Variants in ARHGAP22 observed in about 807,000 individuals in gnomAD.
ARHGAP22 encodes rho GTPase-activating protein 22.
In ARHGAP22, 48 loss-of-function variants were observed where a neutral mutation model predicts 59.1. The ratio of observed to expected loss-of-function variants is 0.81; its 90% CI spans 0.64 to 1.03. The LOEUF is 1.03. Among genes scored for constraint, ARHGAP22 ranks in the 50% least tolerant of loss-of-function variants. ARHGAP22 has a pLI of 0.00. For missense variants in ARHGAP22, 1,015 were observed against 958.7 expected (o/e 1.06, Z -0.78); for synonymous variants, 445 against 416.4 (o/e 1.07, Z -0.84).
At chr10:48,629,887 T>A (rs890947111) in intron 1 of ARHGAP22, among the ~76,000 whole-genome samples, 1 of 152,226 alleles carries the variant, frequency 6.6e-6, no homozygotes, top group South Asian at 2.1e-4. Context: ...CAATGTTTTG[T>A]GGTTTTCTGC....
intron 3 of ARHGAP22, among the ~76,000 whole-genome samples, chr10:48,542,130 A>T (rs1406867957): frequency 6.6e-6 from 1 of 152,060 alleles, no homozygotes; most frequent in African/African-American, 2.4e-5. Flanking sequence ...CCATGATAAG[A>T]TGTGCACCAA....
chr10:48,609,185 T>A (rs2060787050), upstream of ARHGAP22, among the ~76,000 whole-genome samples: 1 of 152,228 alleles, frequency 6.6e-6, no homozygotes, highest in South Asian at 2.1e-4. Flanking sequence ...ATTCACTCTG[T>A]CTGCCCCAGT....
chr10:48,448,514 C>T (rs902612683), intron 9 of ARHGAP22, among the ~76,000 whole-genome samples: 4 of 152,182 alleles, frequency 2.6e-5, no homozygotes, highest in South Asian at 4.1e-4. Flanking sequence ...TGGGAATGCA[C>T]GAAGGAAGGC....
At chr10:48,642,618 C>T (rs2062098862) in intron 1 of ARHGAP22, among the ~76,000 whole-genome samples, 1 of 152,122 alleles carries the variant, frequency 6.6e-6, no homozygotes, top group Admixed American at 6.5e-5. Context: ...AATGTTAGAC[C>T]TAAAACCATA....
At chr10:48,506,687 C>T (rs939248846) in intron 3 of ARHGAP22, among the ~76,000 whole-genome samples, 21 of 152,114 alleles carry the variant, frequency 1.4e-4, no homozygotes, top group Admixed American at 9.2e-4. Flanking sequence ...TAAGTGCATG[C>T]GCCCCCACCA....
intron 2 of ARHGAP22, among the ~76,000 whole-genome samples, chr10:48,574,066 T>C (rs376443424): frequency 6.6e-6 from 1 of 151,690 alleles, no homozygotes; most frequent in Non-Finnish European, 1.5e-5. Context: ...ATAAACAAGA[T>C]AGACAAAAAC....
intron 3 of ARHGAP22, among the ~76,000 whole-genome samples, chr10:48,503,536 C>T (rs1435928839): frequency 3.9e-5 from 6 of 152,234 alleles, no homozygotes; most frequent in Non-Finnish European, 5.9e-5. Flanking sequence ...GGCACCACCA[C>T]CCTGCTAACA....
intron 1 of ARHGAP22, among the ~76,000 whole-genome samples, chr10:48,597,219 A>G (rs781177322): frequency 6.6e-6 from 1 of 152,108 alleles, no homozygotes; most frequent in Non-Finnish European, 1.5e-5. Context: ...TTTGAAGAGG[A>G]TGGGAACTCA....
At position 48,450,247 on chromosome 10, in the gene ARHGAP22, G is replaced by A. The variant is rs752576204; in HGVS notation, c.1868+14C>T. ...CCGCCCCGTCACAGGAGGCTCCACG[G>A]GGCAGCAAGTTACCTTTTCACACTC... is the stretch of plus-strand genomic sequence containing the variant. On this transcript the variant is annotated intron_variant, in intron 9 of 9. Coordinates refer to ENST00000249601, the MANE Select transcript of ARHGAP22 (RefSeq NM_021226.4). 6.2e-7 allele frequency: 1 copy of A among 1,606,384 alleles called. No homozygotes were observed. Among genetic ancestry groups the A allele is most frequent in the African/African-American group, 1.3e-5 (1 of 74,838 alleles).
intron 1 of ARHGAP22, among the ~76,000 whole-genome samples, chr10:48,621,066 C>T (rs959736486): frequency 6.6e-6 from 1 of 152,260 alleles, no homozygotes; most frequent in African/African-American, 2.4e-5. Flanking sequence ...GATGACTGCT[C>T]TTTCCAGAAA....
intron 1 of ARHGAP22, among the ~76,000 whole-genome samples, chr10:48,598,467 C>G (rs969757926): frequency 6.6e-6 from 1 of 152,090 alleles, no homozygotes; most frequent in Non-Finnish European, 1.5e-5. Context: ...ACAGCTGGCA[C>G]TGGGGGAAGA....
chr10:48,641,546 C>G (rs985916744), intron 1 of ARHGAP22, among the ~76,000 whole-genome samples: 6 of 152,128 alleles, frequency 3.9e-5, no homozygotes, highest in African/African-American at 1.4e-4. Context: ...ATTCAACAGC[C>G]CTTCATACTA....
chr10:48,587,324 G>A (rs991569353), intron 1 of ARHGAP22, among the ~76,000 whole-genome samples: 4 of 152,236 alleles, frequency 2.6e-5, no homozygotes, highest in African/African-American at 9.6e-5. Context: ...GGACCCCTGG[G>A]CTCGAGAGGA....
rs1258859082 is a variant in ARHGAP22, at chr10:48,451,030, C to T, written c.1099G>A (p.Ala367Thr). Residue 367 changes from alanine (A) to threonine (T), a missense_variant, in exon 9 of 10, where the codon GCA becomes ACA. Transcript: ENST00000249601. ...PTSPRGGLQC[A>T]VGWGSEEVTR... ...ACCTCCTCGGAGCCCCACCCCACTG[C>T]GCATTGCAGGCCCCCGCGCGGGGAG... The T allele has an allele frequency of 5.8e-6, 9 of 1,553,902 alleles. No individual in the cohort carries two copies. The highest frequency in any genetic ancestry group is 1.9e-5 in the Admixed American group (1 of 51,430).
At chr10:48,570,478 T>C (rs2058328603) in intron 2 of ARHGAP22, among the ~76,000 whole-genome samples, 1 of 152,244 alleles carries the variant, frequency 6.6e-6, no homozygotes, top group African/African-American at 2.4e-5. Flanking sequence ...TTTTCAATCA[T>C]CGCTGGCTTA....
rs540953708 is a variant in ARHGAP22 at position 48,589,083 on chromosome 10, G to T, written c.35-5931C>A. On this transcript the variant is annotated intron_variant, in intron 1 of 9. Coordinates refer to ENST00000249601, the MANE Select transcript of ARHGAP22 (RefSeq NM_021226.4). ...TTGCTGACAGGCACATCTTGAGAGGGTGGCCCACATACCTGCCTCTCCTTC... is the reference window on the plus strand; with the variant it reads ...TTGCTGACAGGCACATCTTGAGAGGTTGGCCCACATACCTGCCTCTCCTTC... Among the ~76,000 whole-genome samples the T allele has an allele frequency of 1.2e-4, 19 of 152,248 alleles. No homozygotes were observed. The South Asian group carries it at 3.7e-3, about 30-fold the overall frequency.
chr10:48,479,418 C>T (rs1162238852), intron 4 of ARHGAP22, among the ~76,000 whole-genome samples: 3 of 152,178 alleles, frequency 2.0e-5, no homozygotes, highest in Non-Finnish European at 4.4e-5. Flanking sequence ...ATTTAGATGT[C>T]TAATACACAG....
intron 3 of ARHGAP22, among the ~76,000 whole-genome samples, chr10:48,545,168 G>T (rs184539732): frequency 5.3e-4 from 80 of 152,334 alleles, no homozygotes; most frequent in African/African-American, 1.8e-3. Context: ...TTGTGAGTGT[G>T]TAGTAGGTGT....
intron 1 of ARHGAP22, among the ~76,000 whole-genome samples, chr10:48,651,211 T>C (rs1030779367): frequency 1.3e-5 from 2 of 152,200 alleles, no homozygotes; most frequent in African/African-American, 4.8e-5. Flanking sequence ...GATTTTAATG[T>C]GGAGGTTGAG....
Sources: allele counts gnomAD v4.1 joint callset (sites outside exome capture counted in the v4.1 genomes callset), GRCh38; gene constraint gnomAD v4.1.1; transcripts MANE v1.5; gene names NCBI Gene and HGNC (gene_info 2026-07-23, HGNC 2026-07-21).